Variants in TAFA2 observed in about 807,000 individuals in gnomAD.
TAFA2 encodes the protein chemokine-like protein TAFA-2.
Under a neutral mutation model 18.8 loss-of-function variants are expected in TAFA2, and 7 were observed. That is an observed-to-expected ratio of 0.37 (90% CI 0.21 to 0.70). TAFA2 has a LOEUF of 0.70. Among genes scored for constraint, TAFA2 ranks in the 30% least tolerant of loss-of-function variants. The pLI, the probability that TAFA2 is intolerant of heterozygous loss-of-function variation, is 0.53. For synonymous variants in TAFA2, 60 were observed against 54.2 expected (o/e 1.11, Z -0.47); for missense variants, 122 against 158.1 (o/e 0.77, Z 1.23).
intron 1 of TAFA2, among the ~76,000 whole-genome samples, chr12:61,965,260 T>C (rs539107509): frequency 2.4e-4 from 36 of 151,978 alleles, no homozygotes; most frequent in African/African-American, 8.7e-4. Context: ...CTTTTCACTA[T>C]GTGAGGACAC....
chr12:61,975,514 C>CATGTGTGTGTGTGTGTGTGTGTGT (rs1555180430), intron 1 of TAFA2, among the ~76,000 whole-genome samples: 1 of 136,560 alleles, frequency 7.3e-6, no homozygotes, highest in Non-Finnish European at 1.6e-5. Context: ...CAATAATATT[C>CATGTGTGTGTGTGTGTGTGTGTGT]GTGTGTGTGT....
chr12:62,106,593 A>AG (rs2136858587), intron 1 of TAFA2, among the ~76,000 whole-genome samples: 1 of 152,324 alleles, frequency 6.6e-6, no homozygotes, highest in East Asian at 1.9e-4. Flanking sequence ...GCAAATTAAA[A>AG]GAAAGCGTAG....
rs371216627 is a variant in TAFA2, at chr12:62,192,381, A to C, written c.-1124T>G. On this transcript the variant is annotated 5_prime_UTR_variant, in exon 1 of 5. Coordinates refer to ENST00000416284, the MANE Select transcript of TAFA2 (RefSeq NM_178539.5). ...AGGTGTCGCCTGTGTCACTTTGCTA[A>C]AGGCGGGAGGGGAGAAAGAAAGGAG... The C allele has an allele frequency of 1.3e-5, 2 of 152,284 alleles. No individual in the cohort carries two copies. Among genetic ancestry groups the C allele is most frequent in the African/African-American group, 4.8e-5 (2 of 41,528 alleles). 9.4% of individuals were successfully genotyped at this position (152,284 alleles called of 1,614,324 possible).
At chr12:61,936,889 C>A (rs1272188129) in intron 1 of TAFA2, among the ~76,000 whole-genome samples, 2 of 151,980 alleles carry the variant, frequency 1.3e-5, no homozygotes, top group African/African-American at 2.4e-5. Flanking sequence ...CACTGTTCAC[C>A]AATGATATAA....
intron 1 of TAFA2, among the ~76,000 whole-genome samples, chr12:62,217,966 G>GTATTTATT (rs68172819): frequency 1.4e-3 from 176 of 127,566 alleles, no homozygotes; most frequent in East Asian, 4.3e-3. Flanking sequence ...TTTTATGTAT[G>GTATTTATT]TATTTATTTA....
intron 1 of TAFA2, among the ~76,000 whole-genome samples, chr12:61,969,304 T>C (rs1448863961): frequency 6.6e-6 from 1 of 151,726 alleles, no homozygotes; most frequent in African/African-American, 2.4e-5. Flanking sequence ...TCTCTTCCTA[T>C]CCTTGAAGAC....
chr12:61,714,157 T>C (rs966678311), intron 4 of TAFA2, among the ~76,000 whole-genome samples: 13 of 152,152 alleles, frequency 8.5e-5, no homozygotes, highest in African/African-American at 3.1e-4. Context: ...GGGCAATAGA[T>C]ATAAAATACT....
chr12:61,801,821 T>A (rs1309071815), intron 2 of TAFA2, among the ~76,000 whole-genome samples: 1 of 151,892 alleles, frequency 6.6e-6, no homozygotes, highest in East Asian at 1.9e-4. Context: ...AATGATGAGA[T>A]AACCTATAGA....
At chr12:61,770,991 T>C (rs947592691) in intron 2 of TAFA2, among the ~76,000 whole-genome samples, 3 of 152,090 alleles carry the variant, frequency 2.0e-5, no homozygotes, top group Admixed American at 1.3e-4. Flanking sequence ...ATCTGCAGTC[T>C]TCAAGAGACT....
chr12:61,871,422 C>T (rs1874596554), intron 1 of TAFA2, among the ~76,000 whole-genome samples: 1 of 152,150 alleles, frequency 6.6e-6, no homozygotes, highest in African/African-American at 2.4e-5. Context: ...TGAATGTGGT[C>T]CTGGCTCCAA....
chr12:62,135,902 A>G (rs1870876576), intron 1 of TAFA2: 1 of 152,146 alleles, frequency 6.6e-6, no homozygotes, highest in Non-Finnish European at 1.5e-5. Context: ...TCATACATGT[A>G]TAGAAGAAAT....
intron 2 of TAFA2, among the ~76,000 whole-genome samples, chr12:61,836,756 T>TATATATATATATATAAACACAC (rs68158949): frequency 8.3e-6 from 1 of 119,848 alleles, no homozygotes; most frequent in African/African-American, 2.8e-5. Flanking sequence ...TATATATATA[T>TATATATATATATATAAACACAC]ACACACACAC....
At chr12:62,010,706 G>A (rs1364071708) in intron 1 of TAFA2, among the ~76,000 whole-genome samples, 1 of 145,282 alleles carries the variant, frequency 6.9e-6, no homozygotes, top group Non-Finnish European at 1.5e-5. Context: ...CTGGGAAGTG[G>A]GCGCCTCTGC....
intron 1 of TAFA2, among the ~76,000 whole-genome samples, chr12:62,208,144 C>T (rs777996135): frequency 1.1e-4 from 16 of 151,996 alleles, no homozygotes; most frequent in South Asian, 2.1e-4. Context: ...ATTAGAGAAA[C>T]GGGCCTGCTT....
chr12:61,944,454 CA>C (rs1878176402), intron 1 of TAFA2, among the ~76,000 whole-genome samples: 1 of 122,520 alleles, frequency 8.2e-6, no homozygotes, highest in Non-Finnish European at 1.7e-5. Flanking sequence ...TAACTAAAAT[CA>C]GAGCAGAACT....
chr12:61,759,808 G>A (rs1237022961), intron 2 of TAFA2, among the ~76,000 whole-genome samples: 2 of 151,978 alleles, frequency 1.3e-5, no homozygotes, highest in Admixed American at 1.3e-4. Context: ...TTTCTATAAT[G>A]TGAGGGGTTC....
At chr12:62,152,553 G>A (rs1200663060) in intron 1 of TAFA2, among the ~76,000 whole-genome samples, 1 of 152,154 alleles carries the variant, frequency 6.6e-6, no homozygotes, top group African/African-American at 2.4e-5. Context: ...TTTTAACAAT[G>A]TTCTCTTTTG....
intron 2 of TAFA2, among the ~76,000 whole-genome samples, chr12:61,778,260 A>C (rs191993121): frequency 9.9e-5 from 15 of 151,886 alleles, no homozygotes; most frequent in Non-Finnish European, 1.3e-4. Context: ...GTCTTGTACT[A>C]TCTCTCGAGC....
At chr12:61,720,238 G>T (rs932518859) in intron 4 of TAFA2, among the ~76,000 whole-genome samples, 7 of 152,120 alleles carry the variant, frequency 4.6e-5, no homozygotes, top group Non-Finnish European at 8.8e-5. Flanking sequence ...TGGACCATTA[G>T]GTAAGAATGC....
Sources: gnomAD v4.1 joint callset for allele counts (sites outside exome capture counted in the v4.1 genomes callset) on GRCh38, gnomAD v4.1.1 for gene constraint, MANE v1.5 for transcripts, NCBI Gene and HGNC (gene_info 2026-07-23, HGNC 2026-07-21) for gene names.